MACC1: variants seen among roughly 807,000 people sequenced by gnomAD.
The protein encoded by MACC1 is metastasis-associated in colon cancer protein 1.
A neutral mutation model predicts 70.7 loss-of-function variants in MACC1; 79 were observed. The observed-to-expected ratio is 1.12, with a 90% confidence interval of 0.93 to 1.35. MACC1 has a LOEUF of 1.35. Among genes scored for constraint, MACC1 ranks in the 40% most tolerant of loss-of-function variants. The pLI, the probability that MACC1 is intolerant of heterozygous loss-of-function variation, is 0.00. For missense variants in MACC1, 1,106 were observed against 978.1 expected, an observed-to-expected ratio of 1.13 and a Z score of -1.74; for synonymous variants, 361 against 347.2, an observed-to-expected ratio of 1.04 and a Z score of -0.44.
At chr7:20,210,741 C>T (rs924393375) in intron 1 of MACC1, among the ~76,000 whole-genome samples, 1 of 152,214 alleles carries the variant, frequency 6.6e-6, no homozygotes, top group Non-Finnish European at 1.5e-5. Flanking sequence ...CTATATCCCA[C>T]AATGTAGCCC....
chr7:20,159,590 C>G lies in MACC1; in HGVS notation c.771G>C (p.Pro257=), dbSNP rs141159996. 4.3e-6 allele frequency: 7 copies of G among 1,613,964 alleles called. No homozygotes were observed. The highest frequency in any genetic ancestry group is 1.6e-4 in the Middle Eastern group (1 of 6,082). ...AAAGATCATGGTTAAGCATGTGTGGCGGATCAAGGAAAGCCCTTAGAGACA... is the reference window on the plus strand; with the variant it reads ...AAAGATCATGGTTAAGCATGTGTGGGGGATCAAGGAAAGCCCTTAGAGACA... ...QEVSLRAFLD[P]PHMLNHDLSC... The change falls in exon 5 of 7, where the codon CCG becomes CCC. Residue 257 remains proline (P), a synonymous_variant. Coordinates refer to ENST00000400331, the MANE Select transcript of MACC1 (RefSeq NM_182762.4).
At chr7:20,154,528 G>A in intron 5 of MACC1, 147 bp from the exon 6 acceptor site, 1 of 821,550 alleles carries the variant, frequency 1.2e-6, no homozygotes. Flanking sequence ...TCAAGGAGTT[G>A]ATTCACATTT....
intron 1 of MACC1, among the ~76,000 whole-genome samples, chr7:20,211,686 G>A (rs1363215925): frequency 6.6e-6 from 1 of 152,188 alleles, no homozygotes; most frequent in Admixed American, 6.6e-5. Flanking sequence ...TGTTATAAAT[G>A]TTTTGGAAAG....
At chr7:20,206,722 C>G (rs1240415958) in intron 1 of MACC1, among the ~76,000 whole-genome samples, 2 of 152,218 alleles carry the variant, frequency 1.3e-5, no homozygotes, top group African/African-American at 4.8e-5. Flanking sequence ...AGGAATTTCT[C>G]CACATGGATG....
chr7:20,170,959 C>T (rs1407323975), intron 1 of MACC1, among the ~76,000 whole-genome samples, 181 bp from the exon 2 acceptor site: 1 of 152,212 alleles, frequency 6.6e-6, no homozygotes, highest in Non-Finnish European at 1.5e-5. Flanking sequence ...CCCTTAAATT[C>T]TCAACAATTG....
intron 1 of MACC1, among the ~76,000 whole-genome samples, chr7:20,175,176 T>C (rs184025138): frequency 2.9e-4 from 44 of 152,234 alleles, no homozygotes; most frequent in Middle Eastern, 3.4e-3. Context: ...TGATTCCTTA[T>C]GGCTTTAACT....
chr7:20,173,269 C>T (rs1782339521), intron 1 of MACC1, among the ~76,000 whole-genome samples: 1 of 152,188 alleles, frequency 6.6e-6, no homozygotes, highest in Non-Finnish European at 1.5e-5. Context: ...AAATATATGG[C>T]AGCTGAAGAT....
At chr7:20,145,099 C>T (rs540670248) in intron 6 of MACC1, among the ~76,000 whole-genome samples, 5 of 152,228 alleles carry the variant, frequency 3.3e-5, no homozygotes, top group South Asian at 2.1e-4. Flanking sequence ...GATGTACGAT[C>T]GGAATATTTA....
At chr7:20,168,092 T>C (rs537878583) in intron 2 of MACC1, among the ~76,000 whole-genome samples, 175 of 152,310 alleles carry the variant, frequency 1.1e-3, no homozygotes, top group South Asian at 2.1e-3. Context: ...GATAGTTATT[T>C]GTCTTTTTTA....
At chr7:20,208,743 C>T (rs896425333) in intron 1 of MACC1, among the ~76,000 whole-genome samples, 1 of 152,188 alleles carries the variant, frequency 6.6e-6, no homozygotes, top group Admixed American at 6.5e-5. Context: ...ATCACCAAGA[C>T]AATGGGGAAA....
chr7:20,188,897 C>A (rs560695397), intron 1 of MACC1, among the ~76,000 whole-genome samples: 1 of 152,328 alleles, frequency 6.6e-6, no homozygotes, highest in African/African-American at 2.4e-5. Flanking sequence ...CTCAATCAAG[C>A]AAAAGCTAAA....
rs1421835920 is a variant in MACC1 at position 20,136,234 on chromosome 7, C to T, written c.*4712G>A. The stretch of plus-strand genomic sequence containing the variant: ...AATGGACAAAGATTAGAAACCGCAG[C>T]TCTCAACTCTTTGACTAGTGTCTTG... On this transcript the variant is annotated 3_prime_UTR_variant, in exon 7 of 7. Transcript: ENST00000400331. 1.3e-5 allele frequency: 2 copies of T among 152,184 alleles called. No homozygotes were observed. Among genetic ancestry groups the T allele is most frequent in the African/African-American group, 4.8e-5 (2 of 41,446 alleles). The allele number at this position is 152,184 out of a possible 1,614,324, so 9.4% of individuals were successfully genotyped here.
chr7:20,208,010 A>G (rs1244996735), intron 1 of MACC1, among the ~76,000 whole-genome samples: 2 of 152,104 alleles, frequency 1.3e-5, no homozygotes, highest in Non-Finnish European at 2.9e-5. Context: ...ATGAGACCTG[A>G]TGCTTTTATA....
At chr7:20,155,798 C>A (rs977799469) in intron 5 of MACC1, among the ~76,000 whole-genome samples, 1 of 152,138 alleles carries the variant, frequency 6.6e-6, no homozygotes, top group Non-Finnish European at 1.5e-5. Flanking sequence ...AGAAACAATA[C>A]TGAGCTAGCG....
At chr7:20,217,081 A>G (rs1413351137) in intron 1 of MACC1, among the ~76,000 whole-genome samples, 1 of 152,098 alleles carries the variant, frequency 6.6e-6, no homozygotes, top group Non-Finnish European at 1.5e-5. Flanking sequence ...TTTATTCTAA[A>G]CCATGTCTCA....
chr7:20,208,974 C>T (rs1782955112), intron 1 of MACC1, among the ~76,000 whole-genome samples: 1 of 152,166 alleles, frequency 6.6e-6, no homozygotes, highest in East Asian at 1.9e-4. Flanking sequence ...AAGCCCCAAG[C>T]CTTGGTGGCT....
intron 6 of MACC1, among the ~76,000 whole-genome samples, chr7:20,146,440 TA>T (rs1022474100): frequency 6.6e-6 from 1 of 152,202 alleles, no homozygotes; most frequent in Admixed American, 6.5e-5. Context: ...AAATTTGCCC[TA>T]AAATATCTAC....
In MACC1 at chr7:20,151,703, T is replaced by C. The variant is rs534363462; in HGVS notation, c.2346+2490A>G. 5.3e-5 allele frequency among the ~76,000 whole-genome samples: 8 copies of C among 152,354 alleles called. No individual in the cohort carries two copies. In the East Asian group the frequency reaches 1.5e-3, roughly 29 times the overall value. On this transcript the variant is annotated intron_variant, in intron 6 of 6. Transcript: ENST00000400331. The stretch of plus-strand genomic sequence containing the variant: ...AAATCTGACAAATTTATTATTAATA[T>C]ACTTCATTTTTTAACCAGCTTGAGG...
At chr7:20,199,527 G>A (rs1782803067) in intron 1 of MACC1, among the ~76,000 whole-genome samples, 1 of 152,214 alleles carries the variant, frequency 6.6e-6, no homozygotes. Flanking sequence ...AAACCAACCT[G>A]CCCTCTCCAA....
Sources: gnomAD v4.1 joint callset for allele counts (sites outside exome capture counted in the v4.1 genomes callset) on GRCh38, gnomAD v4.1.1 for gene constraint, MANE v1.5 for transcripts, NCBI Gene and HGNC (gene_info 2026-07-23, HGNC 2026-07-21) for gene names.